The following DST variants were observed in gnomAD, a reference collection of about 807,000 sequenced individuals.
DST encodes dystonin.
A neutral mutation model predicts 875.2 loss-of-function variants in DST; 253 were observed. That is an observed-to-expected ratio of 0.29 (90% CI 0.26 to 0.32). The LOEUF (loss-of-function observed/expected upper bound fraction) is 0.32. DST is among the 10% of genes least tolerant of loss of function. The probability of loss-of-function intolerance (pLI) is 1.00; values close to 1 mark genes in which losing one functional copy is unlikely to be tolerated. For missense variants in DST, 8,287 were observed against 9,111.6 expected, an observed-to-expected ratio of 0.91 and a Z score of 3.68; for synonymous variants, 3,124 against 3,197.1, an observed-to-expected ratio of 0.98 and a Z score of 0.77.
In DST at chr6:56,670,811, G is replaced by A; in HGVS notation, c.1048-4C>T. 6.3e-7 allele frequency: 1 copy of A among 1,577,420 alleles called. No homozygotes were observed. The highest frequency in any genetic ancestry group is 1.4e-5 in the African/African-American group (1 of 73,408). ...CAGTAACATGGATATCAGATATCTAGATATAACAGAAAGTGTTAAACCTTT... is the reference window on the plus strand; with the variant it reads ...CAGTAACATGGATATCAGATATCTAAATATAACAGAAAGTGTTAAACCTTT... On this transcript the variant is annotated splice_region_variant and splice_polypyrimidine_tract_variant and intron_variant, in intron 9 of 103. Coordinates refer to ENST00000680361, the MANE Select transcript of DST (RefSeq NM_001374736.1).
At chr6:56,506,265 G>C (rs1346309554) in intron 77 of DST, among the ~76,000 whole-genome samples, 178 bp downstream of exon 77, 1 of 152,106 alleles carries the variant, frequency 6.6e-6, no homozygotes, top group Non-Finnish European at 1.5e-5. Flanking sequence ...TATCTGAAAG[G>C]TCAGAAATAT....
At chr6:56,658,420 C>T (rs980888268) in intron 10 of DST, among the ~76,000 whole-genome samples, 3 of 151,978 alleles carry the variant, frequency 2.0e-5, no homozygotes, top group Non-Finnish European at 2.9e-5. Flanking sequence ...ACAAAAATCA[C>T]GTACAGAGCA....
At chr6:56,524,829 A>G (rs1373755162) in intron 69 of DST, among the ~76,000 whole-genome samples, 1 of 152,180 alleles carries the variant, frequency 6.6e-6, no homozygotes, top group Non-Finnish European at 1.5e-5. Context: ...CTGGAAGGAT[A>G]CAGACCAAAT....
intron 85 of DST, among the ~76,000 whole-genome samples, chr6:56,490,945 G>A (rs1562328509): frequency 6.6e-6 from 1 of 152,158 alleles, no homozygotes; most frequent in East Asian, 1.9e-4. Flanking sequence ...ATTAAATCGA[G>A]AAAGGAGGAA....
intron 4 of DST, among the ~76,000 whole-genome samples, chr6:56,804,098 C>T (rs952439690): frequency 6.6e-6 from 1 of 152,098 alleles, no homozygotes; most frequent in South Asian, 2.1e-4. Context: ...ATTTCATTTA[C>T]AAAATCAAAC....
chr6:56,702,451 G>T (rs935924151), intron 7 of DST, among the ~76,000 whole-genome samples: 2 of 151,698 alleles, frequency 1.3e-5, no homozygotes, highest in African/African-American at 2.4e-5. Context: ...AAAGTAGCAT[G>T]CAGTTAGTAT....
intron 33 of DST, 64 bp downstream of exon 33, chr6:56,627,935 A>G: frequency 6.9e-7 from 1 of 1,440,274 alleles, no homozygotes; most frequent in Non-Finnish European, 9.8e-7. Flanking sequence ...TAGGAAAGGA[A>G]GATGAGGAGC....
At chr6:56,945,364 G>A (rs529855470) in intron 2 of DST, among the ~76,000 whole-genome samples, 1 of 152,296 alleles carries the variant, frequency 6.6e-6, no homozygotes, top group South Asian at 2.1e-4. Context: ...AGACAGATGG[G>A]ACAGGATGGA....
At chr6:56,759,000 G>A (rs746687700) in intron 4 of DST, among the ~76,000 whole-genome samples, 1 of 152,132 alleles carries the variant, frequency 6.6e-6, no homozygotes, top group Admixed American at 6.5e-5. Flanking sequence ...CATCATACCA[G>A]CCCTGGCTGA....
intron 4 of DST, among the ~76,000 whole-genome samples, chr6:56,807,441 CA>C (rs1357140050): frequency 6.6e-6 from 1 of 152,050 alleles, no homozygotes; most frequent in Non-Finnish European, 1.5e-5. Context: ...ACAGACTAGC[CA>C]AAACAATTAC....
At chr6:56,860,434 A>T (rs1354446020) in intron 3 of DST, among the ~76,000 whole-genome samples, 1 of 152,242 alleles carries the variant, frequency 6.6e-6, no homozygotes, top group East Asian at 1.9e-4. Context: ...AGATAGTTCC[A>T]TGTTTCTACT....
intron 4 of DST, 65 bp from the exon 5 acceptor site, chr6:56,735,354 C>A: frequency 2.1e-6 from 2 of 936,404 alleles, no homozygotes; most frequent in Non-Finnish European, 3.3e-6. Context: ...ACTTTGTGAT[C>A]ATGAATATAA....
chr6:56,517,653 T>C, intron 69 of DST, 33 bp from the exon 70 acceptor site: 1 of 1,588,686 alleles, frequency 6.3e-7, no homozygotes. Flanking sequence ...GGTCAGCACG[T>C]TCCCGTTCCT....
At chr6:56,801,039 A>C (rs2099746143) in intron 4 of DST, among the ~76,000 whole-genome samples, 2 of 151,946 alleles carry the variant, frequency 1.3e-5, no homozygotes, top group East Asian at 3.9e-4. Flanking sequence ...AAAAAAAAAA[A>C]AAAAAAACCT....
chr6:56,482,312 C>A, intron 89 of DST, 134 bp from the exon 90 acceptor site: 1 of 1,007,100 alleles, frequency 9.9e-7, no homozygotes, highest in Non-Finnish European at 1.3e-6. Flanking sequence ...CTTCATTACT[C>A]CCATTAAGAA....
chr6:56,801,046 A>C (rs930225340), intron 4 of DST, among the ~76,000 whole-genome samples: 2 of 150,266 alleles, frequency 1.3e-5, no homozygotes, highest in Non-Finnish European at 3.0e-5. Flanking sequence ...AAAAAAAAAA[A>C]CCTCCTATCT....
intron 4 of DST, among the ~76,000 whole-genome samples, chr6:56,739,402 A>G (rs987173506): frequency 6.6e-5 from 10 of 152,236 alleles, no homozygotes; most frequent in African/African-American, 1.4e-4. Flanking sequence ...CTCTTCACTG[A>G]TAAGTGCAGA....
At chr6:56,506,931 T>A in intron 75 of DST, 142 bp from the exon 76 acceptor site, 1 of 871,020 alleles carries the variant, frequency 1.1e-6, no homozygotes, top group Non-Finnish European at 1.6e-6. Flanking sequence ...CTGCAATAAA[T>A]TTTTTCAACA....
chr6:56,699,711 GT>G lies in DST; in HGVS notation c.988del (p.Thr330GlnfsTer7). The part of the protein sequence containing the change: ...KLVNIRNDDI[T>X]DGNPKLTLGL... ...CAAAGTCAATTTGGGATTTCCATCT[GT>G]TATGTCATCATTTCTAATATTCACT... On this transcript the variant is annotated frameshift_variant, in exon 9 of 104. Transcript: ENST00000680361. LOFTEE classifies it high-confidence loss of function. 6.5e-7 allele frequency: 1 copy of G among 1,527,970 alleles called. No individual in the cohort carries two copies. 94.7% of individuals were successfully genotyped at this position (1,527,970 alleles called of 1,614,324 possible).
Sources: allele counts gnomAD v4.1 joint callset (sites outside exome capture counted in the v4.1 genomes callset), GRCh38; gene constraint gnomAD v4.1.1; transcripts MANE v1.5; gene names NCBI Gene and HGNC (gene_info 2026-07-23, HGNC 2026-07-21).